NOP14: variants seen among roughly 807,000 people sequenced by gnomAD.
NOP14 encodes the protein NOP14 nucleolar protein.
NOP14 carries 57 observed loss-of-function variants against 101.6 expected under a neutral mutation model. That is an observed-to-expected ratio of 0.56 (90% CI 0.45 to 0.70). The LOEUF is 0.70. NOP14 is among the 30% of genes least tolerant of loss of function. The pLI, the probability that NOP14 is intolerant of heterozygous loss-of-function variation, is 0.00. For missense variants in NOP14, 1,134 were observed against 1,075.5 expected, an observed-to-expected ratio of 1.05 and a Z score of -0.76; for synonymous variants, 428 against 424.0, an observed-to-expected ratio of 1.01 and a Z score of -0.12.
Position 2,946,520 on chromosome 4 carries a change from A to T in NOP14, c.1527T>A (p.Phe509Leu). Reference sequence around the variant, plus strand: ...TGATAGCGTCACTTGCAGATTCAGGAAACATCTGGCAAAGATGATATAAGT... The same window carrying T: ...TGATAGCGTCACTTGCAGATTCAGGTAACATCTGGCAAAGATGATATAAGT... ...VVHLYHLCQM[F>L]PESASDAIKF... is the part of the protein sequence containing the mutation. Residue 509 changes from phenylalanine to leucine, a missense_variant, in exon 11 of 18, where the codon TTT (phenylalanine) becomes TTA (leucine). By Grantham distance (22) the Phe-to-Leu change is conservative. Transcript: ENST00000416614. 6.2e-7 allele frequency: 1 copy of T among 1,614,200 alleles called. No homozygotes were observed.
At chr4:2,962,914 C>A (rs1310577144) in intron 1 of NOP14, among the ~76,000 whole-genome samples, 2 of 152,224 alleles carry the variant, frequency 1.3e-5, no homozygotes, top group Non-Finnish European at 2.9e-5. Context: ...CGAAATAACA[C>A]GAGTGCAGGG....
At position 2,963,365 on chromosome 4, in the gene NOP14, C is replaced by G. The variant is rs768050383; in HGVS notation, c.-46G>C. ...CAAGGGCCCGAGACCCGAAGAGAGACAGGCGCGCGCTACCCTAAGACACGT... is the reference window on the plus strand; with the variant it reads ...CAAGGGCCCGAGACCCGAAGAGAGAGAGGCGCGCGCTACCCTAAGACACGT... On this transcript the variant is annotated 5_prime_UTR_variant, in exon 1 of 18. Coordinates refer to ENST00000416614, the MANE Select transcript of NOP14 (RefSeq NM_001291978.2). The G allele has an allele frequency of 1.3e-6, 2 of 1,499,422 alleles. No homozygotes were observed. Among genetic ancestry groups the G allele is most frequent in the East Asian group, 2.6e-5 (1 of 38,000 alleles). The allele number at this position is 1,499,422 out of a possible 1,614,324, so 92.9% of individuals were successfully genotyped here. A position where few individuals can be genotyped will look rare whatever the true frequency, so the allele number is the denominator to read the frequency against.
At chr4:2,952,498 G>T in intron 5 of NOP14, 101 bp from the exon 6 acceptor site, 2 of 1,092,964 alleles carry the variant, frequency 1.8e-6, no homozygotes, top group Middle Eastern at 3.1e-4. Flanking sequence ...GTAATGGCTA[G>T]ATAATGTTAT....
intron 5 of NOP14, among the ~76,000 whole-genome samples, chr4:2,953,041 G>A (rs890562292): frequency 1.3e-5 from 2 of 152,256 alleles, no homozygotes; most frequent in Non-Finnish European, 2.9e-5. Flanking sequence ...AAGATGCACA[G>A]ATGACCACAT....
chr4:2,954,355 A>G, intron 4 of NOP14, 69 bp downstream of exon 4: 4 of 1,552,376 alleles, frequency 2.6e-6, no homozygotes, highest in Admixed American at 3.9e-5. Context: ...CAGGAAAAAA[A>G]AGCTCAAACA....
Position 2,938,491 on chromosome 4 carries a change from C to T in NOP14, c.*340G>A. On this transcript the variant is annotated 3_prime_UTR_variant, in exon 18 of 18. Transcript: ENST00000416614. ...TGCACTCCAGCCTGGGCAACAAGAG[C>T]AAAACTCCGTCTCAAAAAAAAAAAT... is the stretch of plus-strand genomic sequence containing the variant. 1 of 334,508 alleles carries T rather than the reference C, an allele frequency of 3.0e-6. No homozygotes were observed. Among genetic ancestry groups the T allele is most frequent in the South Asian group, 2.5e-5 (1 of 40,710 alleles). The allele number at this position is 334,508 out of a possible 1,614,324, so 20.7% of individuals were successfully genotyped here. A position where few individuals can be genotyped will look rare whatever the true frequency, so the allele number is the denominator to read the frequency against.
chr4:2,963,327 GC>G lies in NOP14; in HGVS notation c.-9del. The G allele has an allele frequency of 6.4e-7, 1 of 1,561,840 alleles. No homozygotes were observed. Among genetic ancestry groups the G allele is most frequent in the Non-Finnish European group, 8.6e-7 (1 of 1,159,208 alleles). On this transcript the variant is annotated 5_prime_UTR_variant, in exon 1 of 18. Coordinates refer to ENST00000416614, the MANE Select transcript of NOP14 (RefSeq NM_001291978.2). ...CTTCTTCGCCTTCGCCATGGCGCGC[GC>G]CCCGCTGCGCCCAAGGGCCCGAGAC...
intron 10 of NOP14, 82 bp downstream of exon 10, chr4:2,947,444 G>C: frequency 1.0e-6 from 1 of 981,270 alleles, no homozygotes; most frequent in Non-Finnish European, 1.6e-6. Context: ...AGTAACTCTG[G>C]AATGTATTTT....
At position 2,942,163 on chromosome 4, in the gene NOP14, A is replaced by G. The variant is rs1286773070; in HGVS notation, c.2051+29T>C. ...TGCCTCTGGGGACGCTGTAGGGCAC[A>G]GGCCCCAAAGCGGGGTCCCCTCACA... On this transcript the variant is annotated intron_variant, in intron 14 of 17. Transcript: ENST00000416614. 1.9e-6 allele frequency: 3 copies of G among 1,603,328 alleles called. No homozygotes were observed. In the East Asian group the frequency reaches 6.7e-5, roughly 36 times the overall value.
Position 2,938,584 on chromosome 4 carries a change from C to T in NOP14, c.*247G>A. The T allele has an allele frequency of 1.9e-6, 1 of 513,622 alleles. No homozygotes were observed. Among genetic ancestry groups the T allele is most frequent in the Non-Finnish European group, 3.5e-6 (1 of 288,066 alleles). The allele number at this position is 513,622 out of a possible 1,614,324, so 31.8% of individuals were successfully genotyped here. On this transcript the variant is annotated 3_prime_UTR_variant, in exon 18 of 18. Transcript: ENST00000416614. ...AGTGCAGTGGCTCAATCACGGCTCA[C>T]TGTAACCTTGGACTCAGCTCAAGCA...
rs779126894 is a variant in NOP14, at chr4:2,941,642, C to G, written c.2139G>C (p.Gly713=). The G allele has an allele frequency of 5.4e-5, 87 of 1,613,260 alleles. No homozygotes were observed. The Admixed American group carries it at 1.5e-3, about 27-fold the overall frequency. Reference sequence around the variant, plus strand: ...GATCCGTGAGGAGGGCTTGGAGAGGCCCCATGATGGCGTGGAAGGATGGCA... The same window carrying G: ...GATCCGTGAGGAGGGCTTGGAGAGGGCCCATGATGGCGTGGAAGGATGGCA... ...GSLPSFHAIM[G]PLQALLTDHL... Residue 713 remains glycine, a synonymous_variant, in exon 15 of 18, where the codon GGG becomes GGC. Transcript: ENST00000416614.
chr4:2,939,760 C>T, intron 15 of NOP14, 115 bp from the exon 16 acceptor site: 1 of 817,516 alleles, frequency 1.2e-6, no homozygotes, highest in Non-Finnish European at 2.1e-6. Context: ...GAGCTCCCTG[C>T]AGCAGGATGG....
rs1332998573 is a variant in NOP14 at position 2,950,305 on chromosome 4, G to A, written c.1003-92C>T. The A allele has an allele frequency of 2.2e-6, 3 of 1,369,756 alleles. No homozygotes were observed. In the African/African-American group the frequency reaches 4.3e-5, roughly 20 times the overall value. 84.9% of individuals were successfully genotyped at this position (1,369,756 alleles called of 1,614,324 possible). On this transcript the variant is annotated intron_variant, in intron 7 of 17. Transcript: ENST00000416614. The stretch of plus-strand genomic sequence containing the variant: ...CACATCAAGAGGCTGCCCACATCAG[G>A]GCTTTCTACGTGGTTGCAAGGAACA...
intron 6 of NOP14, 78 bp downstream of exon 6, chr4:2,952,197 C>T (rs1437759781): frequency 3.3e-6 from 5 of 1,499,252 alleles, no homozygotes; most frequent in East Asian, 2.3e-5. Context: ...TTCTCTTCAG[C>T]CCATCCTGCA....
intron 3 of NOP14, among the ~76,000 whole-genome samples, chr4:2,955,432 G>GCC (rs1443420656): frequency 8.8e-6 from 1 of 113,162 alleles, no homozygotes; most frequent in Admixed American, 9.5e-5. Context: ...GCACCACGGC[G>GCC]CCCTCTAGTC....
At chr4:2,947,692 GT>G in intron 9 of NOP14, 81 bp from the exon 10 acceptor site, 1 of 1,147,626 alleles carries the variant, frequency 8.7e-7, no homozygotes, top group Non-Finnish European at 1.3e-6. Context: ...TCTGGATCAC[GT>G]ACATTCTGGT....
Position 2,948,240 on chromosome 4 carries a change from G to A in NOP14, c.1413+38C>T, listed in dbSNP as rs767752450. ...TGGCATTCATATACGGGGCTATGCT[G>A]ACACTCCCAGCGCTCCACACACACT... is the stretch of plus-strand genomic sequence containing the variant. On this transcript the variant is annotated intron_variant, in intron 9 of 17. Coordinates refer to ENST00000416614, the MANE Select transcript of NOP14 (RefSeq NM_001291978.2). 21 of 1,557,772 alleles carry A rather than the reference G, an allele frequency of 1.3e-5. No homozygotes were observed. In the South Asian group the frequency reaches 2.6e-4, roughly 19 times the overall value.
intron 8 of NOP14, 71 bp downstream of exon 8, chr4:2,949,863 C>A: frequency 1.3e-6 from 2 of 1,566,910 alleles, no homozygotes; most frequent in Non-Finnish European, 1.7e-6. Context: ...GGGAGGGAGA[C>A]GAACACACAC....
At chr4:2,947,743 C>T (rs544453884) in intron 9 of NOP14, 132 bp from the exon 10 acceptor site, 2 of 704,078 alleles carry the variant, frequency 2.8e-6, no homozygotes, top group Non-Finnish European at 2.5e-6. Context: ...GTGACAGACA[C>T]GAGCAGCCTT....
Sources: allele counts gnomAD v4.1 joint callset (sites outside exome capture counted in the v4.1 genomes callset), GRCh38; gene constraint gnomAD v4.1.1; transcripts MANE v1.5; gene names NCBI Gene and HGNC (gene_info 2026-07-23, HGNC 2026-07-21).